MEGF9: variants seen among roughly 807,000 people sequenced by gnomAD.
MEGF9 encodes the protein multiple EGF like domains 9.
In MEGF9, 6 loss-of-function variants were observed where a neutral mutation model predicts 46.8. The ratio of observed to expected loss-of-function variants is 0.13; its 90% confidence interval spans 0.07 to 0.25. The LOEUF (loss-of-function observed/expected upper bound fraction) is 0.25. Among genes scored for constraint, MEGF9 ranks in the 10% least tolerant of loss-of-function variants. MEGF9 has a pLI of 1.00. For synonymous variants in MEGF9, 302 were observed against 330.7 expected, an observed-to-expected ratio of 0.91 and a Z score of 0.94; for missense variants, 683 against 792.4, an observed-to-expected ratio of 0.86 and a Z score of 1.66.
intron 1 of MEGF9, among the ~76,000 whole-genome samples, chr9:120,707,530 T>C (rs1265072085): frequency 6.6e-6 from 1 of 152,232 alleles, no homozygotes; most frequent in African/African-American, 2.4e-5. Flanking sequence ...ATCTAAATTC[T>C]GAAACACATC....
chr9:120,707,851 T>G (rs1394941119), intron 1 of MEGF9, among the ~76,000 whole-genome samples: 1 of 152,178 alleles, frequency 6.6e-6, no homozygotes, highest in African/African-American at 2.4e-5. Context: ...AAGACCAGCC[T>G]GACCAACATG....
chr9:120,705,013 T>C (rs909669820), intron 1 of MEGF9, among the ~76,000 whole-genome samples: 3 of 152,188 alleles, frequency 2.0e-5, no homozygotes, highest in African/African-American at 4.8e-5. Context: ...ATAACTTCTA[T>C]TATGAAAGTT....
intron 1 of MEGF9, among the ~76,000 whole-genome samples, chr9:120,660,526 AT>A (rs953539868): frequency 1.5e-4 from 22 of 151,110 alleles, no homozygotes; most frequent in Non-Finnish European, 2.4e-4. Context: ...CATTCTTTCT[AT>A]TTTTTTTTGT....
chr9:120,703,801 T>C (rs2043915698), intron 1 of MEGF9, among the ~76,000 whole-genome samples: 1 of 150,966 alleles, frequency 6.6e-6, no homozygotes, highest in African/African-American at 2.4e-5. Context: ...GGTGAAACCC[T>C]GTCTCTACTG....
At chr9:120,640,504 T>C (rs2043597322) in intron 2 of MEGF9, among the ~76,000 whole-genome samples, 1 of 152,020 alleles carries the variant, frequency 6.6e-6, no homozygotes, top group African/African-American at 2.4e-5. Flanking sequence ...TTATGTGTTT[T>C]TTCCTCTGCT....
At chr9:120,624,042 A>T (rs1448539894) in intron 2 of MEGF9, among the ~76,000 whole-genome samples, 1 of 152,238 alleles carries the variant, frequency 6.6e-6, no homozygotes, top group African/African-American at 2.4e-5. Context: ...GTGTAACCAT[A>T]ATATAGCCAA....
chr9:120,613,666 G>A (rs1375889395), intron 3 of MEGF9, among the ~76,000 whole-genome samples: 1 of 152,098 alleles, frequency 6.6e-6, no homozygotes, highest in Non-Finnish European at 1.5e-5. Flanking sequence ...TACAGACATG[G>A]AAGCAGCATA....
At chr9:120,687,782 TA>T (rs74313276) in intron 1 of MEGF9, among the ~76,000 whole-genome samples, 3,988 of 80,790 alleles carry the variant, frequency 0.049, 90 homozygotes, top group East Asian at 0.2. Context: ...GAAAAAGAGA[TA>T]AAAAAAAAAA....
At position 120,612,553 on chromosome 9, in the gene MEGF9, AT is replaced by A. The variant is rs1564411900; in HGVS notation, c.944-15del. 2 of 1,591,370 alleles carry A rather than the reference AT, an allele frequency of 1.3e-6. No individual in the cohort carries two copies. The highest frequency in any genetic ancestry group is 1.7e-6 in the Non-Finnish European group (2 of 1,171,124). On this transcript the variant is annotated splice_polypyrimidine_tract_variant and intron_variant, in intron 3 of 5. Transcript: ENST00000373930. ...TTAAACAAGCACCTAAAAGAAGCAAATTATTTTTAAAAGTTAAAGATTTACC... is the reference window on the plus strand; with the variant it reads ...TTAAACAAGCACCTAAAAGAAGCAAATATTTTTAAAAGTTAAAGATTTACC...
At chr9:120,670,284 A>C (rs2132327696) in intron 1 of MEGF9, among the ~76,000 whole-genome samples, 2 of 152,158 alleles carry the variant, frequency 1.3e-5, no homozygotes, top group South Asian at 4.1e-4. Flanking sequence ...TTTAGTAGAG[A>C]CCGGGTTTCA....
intron 3 of MEGF9, among the ~76,000 whole-genome samples, chr9:120,615,290 T>C (rs1236862072): frequency 7.3e-6 from 1 of 137,616 alleles, no homozygotes; most frequent in Non-Finnish European, 1.5e-5. Context: ...TGTGTGTGCA[T>C]GTGTGTGTAC....
intron 1 of MEGF9, among the ~76,000 whole-genome samples, chr9:120,688,624 T>A (rs758638943): frequency 3.9e-5 from 6 of 152,132 alleles, no homozygotes; most frequent in Non-Finnish European, 5.9e-5. Flanking sequence ...TAGAAGGTAG[T>A]TAAATCCTAA....
chr9:120,673,059 TAACA>T (rs1162482081), intron 1 of MEGF9, among the ~76,000 whole-genome samples: 6 of 152,126 alleles, frequency 3.9e-5, no homozygotes, highest in Admixed American at 6.5e-5. Context: ...GATACAAAAT[TAACA>T]AACAAAAATC....
At chr9:120,706,041 C>A (rs2043927709) in intron 1 of MEGF9, among the ~76,000 whole-genome samples, 1 of 152,114 alleles carries the variant, frequency 6.6e-6, no homozygotes, top group Non-Finnish European at 1.5e-5. Context: ...TTTTCTTCTG[C>A]TCTATTAAGT....
At position 120,600,833 on chromosome 9, in the gene MEGF9, G is replaced by A. The variant is rs1429050543; in HGVS notation, c.*4357C>T. On this transcript the variant is annotated 3_prime_UTR_variant, in exon 6 of 6. Coordinates refer to ENST00000373930, the MANE Select transcript of MEGF9 (RefSeq NM_001080497.3). The stretch of plus-strand genomic sequence containing the variant: ...AAATGAAGAGTTCAAAGATTTTTAT[G>A]AAGTGGGCTGAAAGTAAATGATCCT... 2 of 152,586 alleles carry A rather than the reference G, an allele frequency of 1.3e-5. No homozygotes were observed. The highest frequency in any genetic ancestry group is 2.9e-5 in the Non-Finnish European group (2 of 68,016). 9.5% of individuals were successfully genotyped at this position (152,586 alleles called of 1,614,324 possible). A position where few individuals can be genotyped will look rare whatever the true frequency, so the allele number is the denominator to read the frequency against.
intron 1 of MEGF9, among the ~76,000 whole-genome samples, chr9:120,660,359 G>C (rs934393871): frequency 2.0e-5 from 3 of 151,980 alleles, no homozygotes; most frequent in Non-Finnish European, 2.9e-5. Flanking sequence ...CAGGATAAAC[G>C]GTGTGTCCAT....
chr9:120,629,467 T>C (rs1348218215), intron 2 of MEGF9, among the ~76,000 whole-genome samples: 2 of 151,612 alleles, frequency 1.3e-5, no homozygotes, highest in Non-Finnish European at 2.9e-5. Flanking sequence ...TGGCAAAACA[T>C]CGTCTCTACT....
Position 120,601,978 on chromosome 9 carries a change from T to A in MEGF9, c.*3212A>T, listed in dbSNP as rs1390994081. On this transcript the variant is annotated 3_prime_UTR_variant, in exon 6 of 6. Transcript: ENST00000373930. ...TTAAAAATAAACAGATTTCCAATCC[T>A]TACACAAACATTCTCCCAATATTAG... 6.6e-6 allele frequency: 1 copy of A among 152,188 alleles called. No individual in the cohort carries two copies. Among genetic ancestry groups the A allele is most frequent in the Admixed American group, 6.5e-5 (1 of 15,276 alleles). The allele number at this position is 152,188 out of a possible 1,614,324, so 9.4% of individuals were successfully genotyped here.
intron 3 of MEGF9, among the ~76,000 whole-genome samples, chr9:120,615,290 T>A (rs1236862072): frequency 7.3e-6 from 1 of 137,616 alleles, no homozygotes; most frequent in Non-Finnish European, 1.5e-5. Flanking sequence ...TGTGTGTGCA[T>A]GTGTGTGTAC....
Sources: allele counts gnomAD v4.1 joint callset (sites outside exome capture counted in the v4.1 genomes callset), GRCh38; gene constraint gnomAD v4.1.1; transcripts MANE v1.5; gene names NCBI Gene and HGNC (gene_info 2026-07-23, HGNC 2026-07-21).